Variants in KPRP observed in about 807,000 individuals in gnomAD.
The protein encoded by KPRP is keratinocyte proline rich protein, also known as keratinocyte proline-rich protein.
For synonymous variants in KPRP, 282 were observed against 276.9 expected, an observed-to-expected ratio of 1.02 and a Z score of -0.18; for missense variants, 820 against 746.4, an observed-to-expected ratio of 1.10 and a Z score of -1.15.
exon 1 of KPRP, chr1:152,761,696 A>C: frequency 4.7e-6 from 1 of 213,018 alleles, no homozygotes; most frequent in Non-Finnish European, 1.0e-5. Flanking sequence ...TCTGAAATCC[A>C]CCCCATCTTT....
At chr1:152,761,542 C>G (rs1048133698) in exon 1 of KPRP, 30 of 826,200 alleles carry the variant, frequency 3.6e-5, no homozygotes, top group Middle Eastern at 3.9e-4. Flanking sequence ...CTCGCCCGTA[C>G]GCATCCTCGG....
At position 152,760,774 on chromosome 1, in the gene KPRP, C is replaced by T. The variant is rs559362175; in HGVS notation, c.1186C>T (p.Leu396=). 122 of 1,614,250 alleles carry T rather than the reference C, an allele frequency of 7.6e-5. No individual in the cohort carries two copies. The South Asian group carries it at 1.3e-3, about 17-fold the overall frequency. Residue 396 remains leucine, a synonymous_variant, in exon 1 of 1, where the codon CTG becomes TTG. Transcript: ENST00000606109. ...TCTTGACCAGTGTCCAGAGTCACCACTGCAGCGATGTCCACCTCCTGCTCC... is the reference window on the plus strand; with the variant it reads ...TCTTGACCAGTGTCCAGAGTCACCATTGCAGCGATGTCCACCTCCTGCTCC...
At chr1:152,758,651 G>T (rs1374562233), upstream of KPRP, among the ~76,000 whole-genome samples, 1 of 152,192 alleles carries the variant, frequency 6.6e-6, no homozygotes, top group African/African-American at 2.4e-5. Flanking sequence ...CGTTATGTTT[G>T]CAATGCCCCA....
At chr1:152,759,262 T>C (rs750134013), upstream of KPRP, among the ~76,000 whole-genome samples, 13 of 152,164 alleles carry the variant, frequency 8.5e-5, no homozygotes, top group East Asian at 1.9e-4. Flanking sequence ...TCAGACCACA[T>C]TGGATGTGAG....
At chr1:152,759,897 A>G in exon 1 of KPRP, 2 of 1,614,034 alleles carry the variant, frequency 1.2e-6, no homozygotes, top group East Asian at 2.2e-5. Flanking sequence ...CCCAATCTCA[A>G]ACTTCCTCTG....
exon 1 of KPRP, chr1:152,761,286 C>A (rs1409703272): frequency 6.2e-7 from 1 of 1,613,986 alleles, no homozygotes; most frequent in African/African-American, 1.3e-5. Flanking sequence ...AAGGCAATGC[C>A]TTTGCTGGAG....
At chr1:152,758,760 A>C (rs141166717), upstream of KPRP, among the ~76,000 whole-genome samples, 12 of 152,298 alleles carry the variant, frequency 7.9e-5, no homozygotes, top group East Asian at 1.5e-3. Flanking sequence ...CCTTGCCTCT[A>C]AGAAGAGCTG....
chr1:152,760,602 T>C (rs1651088110), exon 1 of KPRP: 1 of 1,608,800 alleles, frequency 6.2e-7, no homozygotes, highest in South Asian at 1.1e-5. Flanking sequence ...CCAGGCAGGT[T>C]CCCCCACAGA....
At chr1:152,760,504 A>G (rs900649134) in exon 1 of KPRP, 1 of 1,613,182 alleles carries the variant, frequency 6.2e-7, no homozygotes, top group Non-Finnish European at 8.5e-7. Context: ...ACCCATATAT[A>G]ACAGTCGCTG....
chr1:152,760,478 C>A (rs1481946298), exon 1 of KPRP: 1 of 1,613,156 alleles, frequency 6.2e-7, no homozygotes, highest in Non-Finnish European at 8.5e-7. Context: ...TACTGCACCC[C>A]ACCCCGCCGC....
exon 1 of KPRP, chr1:152,761,080 C>T: frequency 6.2e-7 from 1 of 1,614,060 alleles, no homozygotes; most frequent in Non-Finnish European, 8.5e-7. Flanking sequence ...TTGGCGCAGC[C>T]CCAGCCCATG....
At chr1:152,759,991 T>C (rs1428717523) in exon 1 of KPRP, 3 of 1,614,074 alleles carry the variant, frequency 1.9e-6, no homozygotes, top group Admixed American at 1.7e-5. Flanking sequence ...CTTCGTAGAA[T>C]GTGCTCCAGT....
At chr1:152,761,135 A>G (rs1651116408) in exon 1 of KPRP, 26 of 1,614,108 alleles carry the variant, frequency 1.6e-5, no homozygotes, top group Non-Finnish European at 2.1e-5. Context: ...CTAGGCTGTC[A>G]TGAGTCTAGT....
At chr1:152,760,369 C>T in exon 1 of KPRP, 2 of 1,614,158 alleles carry the variant, frequency 1.2e-6, no homozygotes, top group Admixed American at 1.7e-5. Flanking sequence ...TCCTCCTCGG[C>T]GGCTGCAGCT....
exon 1 of KPRP, chr1:152,760,673 C>T (rs764459142): frequency 1.2e-6 from 2 of 1,612,708 alleles, no homozygotes; most frequent in Non-Finnish European, 1.7e-6. Context: ...CCGCAGCCCT[C>T]CTGGGGCGCC....
exon 1 of KPRP, chr1:152,762,013 G>A (rs1452833429): frequency 6.0e-6 from 1 of 167,216 alleles, no homozygotes; most frequent in Admixed American, 6.5e-5. Context: ...GAACTGAGGT[G>A]AGAGGAGGCC....
chr1:152,761,069 C>A, exon 1 of KPRP: 2 of 1,614,074 alleles, frequency 1.2e-6, no homozygotes, highest in East Asian at 2.2e-5. Context: ...TGCAGGGAGA[C>A]TTGGCGCAGC....
chr1:152,759,425 G>A (rs1034294271), upstream of KPRP: 24 of 1,240,582 alleles, frequency 1.9e-5, no homozygotes, highest in South Asian at 3.2e-5. Context: ...ATCCTGGGTC[G>A]AACTAAGTCA....
At chr1:152,759,814 T>C in exon 1 of KPRP, 1 of 1,613,784 alleles carries the variant, frequency 6.2e-7, no homozygotes, top group Non-Finnish European at 8.5e-7. Context: ...GAAGTGCCAG[T>C]CTAAGACCAA....
Sources: allele counts gnomAD v4.1 joint callset (sites outside exome capture counted in the v4.1 genomes callset), GRCh38; gene constraint gnomAD v4.1.1; transcripts MANE v1.5; gene names NCBI Gene and HGNC (gene_info 2026-07-23, HGNC 2026-07-21).